The following CDCA7L variants were observed in gnomAD, a reference collection of about 807,000 sequenced individuals.
CDCA7L encodes the protein cell division cycle-associated 7-like protein.
A neutral mutation model predicts 57.4 loss-of-function variants in CDCA7L; 44 were observed. That is an observed-to-expected ratio of 0.77 (90% CI 0.60 to 0.98). The LOEUF (loss-of-function observed/expected upper bound fraction) is 0.98. Among genes scored for constraint, CDCA7L ranks in the 50% least tolerant of loss-of-function variants. CDCA7L has a pLI of 0.00. For missense variants in CDCA7L, 644 were observed against 580.6 expected (o/e 1.11, Z -1.12); for synonymous variants, 236 against 202.8 (o/e 1.16, Z -1.39).
intron 1 of CDCA7L, among the ~76,000 whole-genome samples, chr7:21,919,469 GC>G (rs1423606996): frequency 2.0e-5 from 3 of 152,066 alleles, no homozygotes; most frequent in African/African-American, 7.2e-5. Flanking sequence ...TCTCCAAGGA[GC>G]CCTGAAACCT....
At chr7:21,941,245 T>C (rs913466002) in intron 1 of CDCA7L, among the ~76,000 whole-genome samples, 2 of 152,066 alleles carry the variant, frequency 1.3e-5, no homozygotes, top group African/African-American at 4.8e-5. Context: ...ATACATAAAA[T>C]ACACATCTAG....
Position 21,901,008 on chromosome 7 carries a change from C to A in CDCA7L, c.*1314G>T. Reference sequence around the variant, plus strand: ...GCAACCGCTGTGTTTTTGCCATAGGCGCCCGCTGGGACACCCAAGCAGGAA... The same window carrying A: ...GCAACCGCTGTGTTTTTGCCATAGGAGCCCGCTGGGACACCCAAGCAGGAA... On this transcript the variant is annotated 3_prime_UTR_variant, in exon 10 of 10. Transcript: ENST00000406877. The A allele has an allele frequency of 6.3e-7, 1 of 1,586,380 alleles. No homozygotes were observed. The highest frequency in any genetic ancestry group is 8.6e-7 in the Non-Finnish European group (1 of 1,166,510).
At chr7:21,910,934 G>T (rs1785299916) in intron 3 of CDCA7L, among the ~76,000 whole-genome samples, 1 of 138,320 alleles carries the variant, frequency 7.2e-6, no homozygotes, top group Admixed American at 7.6e-5. Flanking sequence ...CACACAGTAA[G>T]AAAGTATCTC....
intron 8 of CDCA7L, chr7:21,903,896 T>TAACA: frequency 2.4e-6 from 1 of 417,218 alleles, no homozygotes; most frequent in Admixed American, 4.2e-5. Flanking sequence ...ATGGAAAATC[T>TAACA]AACAACATTA....
chr7:21,914,336 A>G (rs1022094671), intron 2 of CDCA7L, among the ~76,000 whole-genome samples: 7 of 152,236 alleles, frequency 4.6e-5, no homozygotes, highest in Non-Finnish European at 8.8e-5. Flanking sequence ...GCACCATTCA[A>G]GTATGAGGTC....
chr7:21,907,836 C>T (rs1785189451), intron 4 of CDCA7L, among the ~76,000 whole-genome samples: 1 of 152,140 alleles, frequency 6.6e-6, no homozygotes, highest in Non-Finnish European at 1.5e-5. Flanking sequence ...CTCTCATCCC[C>T]AACACAACTA....
chr7:21,904,074 A>AATACAATTTACAAC, intron 8 of CDCA7L, 36 bp downstream of exon 8: 1 of 1,533,618 alleles, frequency 6.5e-7, no homozygotes, highest in Non-Finnish European at 8.8e-7. Flanking sequence ...TTCCTTCACC[A>AATACAATTTACAAC]ATACAATTTA....
chr7:21,941,646 CTAGTTA>C (rs1397908768), intron 1 of CDCA7L, among the ~76,000 whole-genome samples: 3 of 152,180 alleles, frequency 2.0e-5, no homozygotes, highest in Non-Finnish European at 2.9e-5. Context: ...TCCAGCCCTT[CTAGTTA>C]AAGGGAGGAG....
rs1261938716 is a variant in CDCA7L, at chr7:21,902,122, C to T, written c.*200G>A. Reference sequence around the variant, plus strand: ...CATACAGACAGGTCTGTGCATACATCTATATAGATTCCTCTGCTCTGCTGT... The same window carrying T: ...CATACAGACAGGTCTGTGCATACATTTATATAGATTCCTCTGCTCTGCTGT... On this transcript the variant is annotated 3_prime_UTR_variant, in exon 10 of 10. Transcript: ENST00000406877. The T allele has an allele frequency of 3.2e-6, 2 of 621,122 alleles. No homozygotes were observed. Among genetic ancestry groups the T allele is most frequent in the African/African-American group, 3.7e-5 (2 of 53,988 alleles). 38.5% of individuals were successfully genotyped at this position (621,122 alleles called of 1,614,324 possible). A position where few individuals can be genotyped will look rare whatever the true frequency, so the allele number is the denominator to read the frequency against.
intron 9 of CDCA7L, chr7:21,902,585 ACATAAATGAAACTTGT>A (rs771747503): frequency 2.4e-5 from 11 of 449,546 alleles, no homozygotes; most frequent in Admixed American, 3.7e-5. Context: ...TTTATTAATT[ACATAAATGAAACTTGT>A]AACTCACATT....
At position 21,908,156 on chromosome 7, in the gene CDCA7L, T is replaced by C. The variant is rs778026662; in HGVS notation, c.655A>G (p.Met219Val). 3 of 1,572,312 alleles carry C rather than the reference T, an allele frequency of 1.9e-6. No individual in the cohort carries two copies. Among genetic ancestry groups the C allele is most frequent in the South Asian group, 2.4e-5 (2 of 84,004 alleles). ...ESSDALLKRT[M>V]NIKENKAMLA... ...ATGGCTTTGTTCTCCTTGATGTTCATGGTCCTTTTCAGCAAAGCATCTGAA... is the reference window on the plus strand; with the variant it reads ...ATGGCTTTGTTCTCCTTGATGTTCACGGTCCTTTTCAGCAAAGCATCTGAA... The change falls in exon 4 of 10, where the codon ATG (methionine) becomes GTG (valine). Residue 219 changes from methionine (M) to valine (V), a missense_variant. By Grantham distance (21) the Met-to-Val change is conservative (BLOSUM62 1). Transcript: ENST00000406877.
At chr7:21,936,269 C>G (rs765363778) in intron 1 of CDCA7L, among the ~76,000 whole-genome samples, 1 of 152,120 alleles carries the variant, frequency 6.6e-6, no homozygotes, top group Non-Finnish European at 1.5e-5. Context: ...GAACAAACAC[C>G]AGTCTTTCTC....
intron 1 of CDCA7L, among the ~76,000 whole-genome samples, chr7:21,918,102 C>T (rs76609966): frequency 0.045 from 6,870 of 152,218 alleles, 194 homozygotes; most frequent in South Asian, 0.091. Context: ...ATTTTTGTCA[C>T]CATTCTACAT....
At chr7:21,943,093 C>T (rs1235092341) in intron 1 of CDCA7L, among the ~76,000 whole-genome samples, 1 of 152,344 alleles carries the variant, frequency 6.6e-6, no homozygotes, top group South Asian at 2.1e-4. Context: ...CAAGCTGGAG[C>T]TCCCATGAGC....
Position 21,906,287 on chromosome 7 carries a change from A to AC in CDCA7L, c.921+1dup. On this transcript the variant is annotated splice_donor_variant, in intron 6 of 9. Coordinates refer to ENST00000406877, the MANE Select transcript of CDCA7L (RefSeq NM_018719.5). LOFTEE classifies it high-confidence loss of function. ...CTAATTCATGTATTAGTCAGAAAAT[A>AC]CCCCAATTGTCTTCCTTCTTCGGAA... The AC allele has an allele frequency of 6.3e-7, 1 of 1,586,956 alleles. No homozygotes were observed. The highest frequency in any genetic ancestry group is 8.6e-7 in the Non-Finnish European group (1 of 1,167,180).
intron 4 of CDCA7L, among the ~76,000 whole-genome samples, chr7:21,907,656 A>T (rs1356940459): frequency 6.6e-6 from 1 of 152,128 alleles, no homozygotes; most frequent in African/African-American, 2.4e-5. Context: ...TAATTCCTAG[A>T]CCTCTTCCAT....
At chr7:21,929,631 C>CAAAAAAAAAAA (rs57283961) in intron 1 of CDCA7L, among the ~76,000 whole-genome samples, 22 of 35,506 alleles carry the variant, frequency 6.2e-4, no homozygotes, top group Admixed American at 2.0e-3. Flanking sequence ...AAATGGAAAG[C>CAAAAAAAAAAA]AAAAAAAAAA....
chr7:21,932,930 T>C (rs1446405595), intron 1 of CDCA7L, among the ~76,000 whole-genome samples: 2 of 149,800 alleles, frequency 1.3e-5, no homozygotes, highest in East Asian at 2.0e-4. Flanking sequence ...ATCCAGAATC[T>C]ACAAGGAAAT....
intron 1 of CDCA7L, among the ~76,000 whole-genome samples, chr7:21,928,558 A>G (rs1174709176): frequency 6.6e-6 from 1 of 152,078 alleles, no homozygotes; most frequent in East Asian, 1.9e-4. Flanking sequence ...AACCTTGAAA[A>G]AAGGTTAGAG....
Sources: allele counts gnomAD v4.1 joint callset (sites outside exome capture counted in the v4.1 genomes callset), GRCh38; gene constraint gnomAD v4.1.1; transcripts MANE v1.5; gene names NCBI Gene and HGNC (gene_info 2026-07-23, HGNC 2026-07-21).